The following PCSK2 variants were observed in gnomAD, a reference collection of about 807,000 sequenced individuals.
The protein encoded by PCSK2 is neuroendocrine convertase 2.
PCSK2 carries 14 observed loss-of-function variants against 69.7 expected under a neutral mutation model. The observed-to-expected ratio is 0.20, with a 90% CI of 0.13 to 0.31. The LOEUF (loss-of-function observed/expected upper bound fraction) is 0.31. PCSK2 is among the 10% of genes least tolerant of loss of function. The pLI, the probability that PCSK2 is intolerant of heterozygous loss-of-function variation, is 1.00. For synonymous variants in PCSK2, 307 were observed against 320.7 expected, an observed-to-expected ratio of 0.96 and a Z score of 0.46; for missense variants, 544 against 842.5, an observed-to-expected ratio of 0.65 and a Z score of 4.39.
rs148983041 is a variant in PCSK2 at position 17,481,937 on chromosome 20, A to T, written c.1784A>T (p.Gln595Leu). 1.3e-5 allele frequency: 21 copies of T among 1,613,562 alleles called. No individual in the cohort carries two copies. In the African/African-American group the frequency reaches 2.3e-4, roughly 17 times the overall value. Residue 595 changes from glutamine to leucine, a missense_variant, in exon 12 of 12, where the codon CAG becomes CTG. Coordinates refer to ENST00000262545, the MANE Select transcript of PCSK2 (RefSeq NM_002594.5). ...KEWTLMLHGT[Q>L]SAPYIDQVVR... ...TGGACCCTGATGCTGCATGGCACTC[A>T]GAGTGCCCCGTACATCGACCAGGTG...
chr20:17,351,071 G>C (rs114140808), intron 2 of PCSK2, among the ~76,000 whole-genome samples: 1 of 150,290 alleles, frequency 6.7e-6, no homozygotes, highest in African/African-American at 2.4e-5. Flanking sequence ...TGTAGTAAAA[G>C]TACCTTGTTA....
chr20:17,474,560 C>A (rs1361625713), intron 11 of PCSK2, among the ~76,000 whole-genome samples: 1 of 152,158 alleles, frequency 6.6e-6, no homozygotes, highest in Non-Finnish European at 1.5e-5. Flanking sequence ...GTTCTAGTTT[C>A]CCCTTCTCAG....
intron 2 of PCSK2, among the ~76,000 whole-genome samples, chr20:17,351,848 CA>C (rs1383663977): frequency 6.6e-6 from 1 of 152,052 alleles, no homozygotes; most frequent in Non-Finnish European, 1.5e-5. Flanking sequence ...GTCCCAGCCA[CA>C]GGAATCAGGC....
Position 17,481,816 on chromosome 20 carries a change from A to G in PCSK2, c.1663A>G (p.Met555Val). ...GGTGGGCTTTGACAAGTGGCCTTTC[A>G]TGACCACTCACACGTGGGGGGAAGA... ...SKVGFDKWPF[M>V]TTHTWGEDAR... The change falls in exon 12 of 12, where the codon ATG (methionine) becomes GTG (valine). Residue 555 changes from methionine to valine, a missense_variant. By Grantham distance (21) the Met-to-Val change is conservative. Coordinates refer to ENST00000262545, the MANE Select transcript of PCSK2 (RefSeq NM_002594.5). 1 of 1,614,144 alleles carries G rather than the reference A, an allele frequency of 6.2e-7. No individual in the cohort carries two copies. Among genetic ancestry groups the G allele is most frequent in the Non-Finnish European group, 8.5e-7 (1 of 1,180,026 alleles).
At position 17,260,824 on chromosome 20, in the gene PCSK2, A is replaced by T. The variant is rs950155460; in HGVS notation, c.282+480A>T. Reference sequence around the variant, plus strand: ...GCAGTGGACTTCTCAGTATCCATGCATGACTGTGGCCATGAGACTATCTCA... The same window carrying T: ...GCAGTGGACTTCTCAGTATCCATGCTTGACTGTGGCCATGAGACTATCTCA... On this transcript the variant is annotated intron_variant, in intron 2 of 11. Coordinates refer to ENST00000262545, the MANE Select transcript of PCSK2 (RefSeq NM_002594.5). 4.6e-5 allele frequency among the ~76,000 whole-genome samples: 7 copies of T among 152,198 alleles called. 1 individual carries two copies. The highest frequency in any genetic ancestry group is 1.0e-4 in the Non-Finnish European group (7 of 68,032).
chr20:17,354,491 C>T (rs12481288), intron 2 of PCSK2, among the ~76,000 whole-genome samples: 25,781 of 152,120 alleles, frequency 0.17, 2,756 homozygotes, highest in Non-Finnish European at 0.25. Flanking sequence ...AAATATTTCT[C>T]TGACATTAAG....
chr20:17,386,692 T>C (rs1349746222), intron 5 of PCSK2, among the ~76,000 whole-genome samples: 2 of 152,178 alleles, frequency 1.3e-5, no homozygotes, highest in Non-Finnish European at 2.9e-5. Flanking sequence ...TTTTGCAAGA[T>C]GAAAAAGTTA....
rs891737980 is a variant in PCSK2 at position 17,400,061 on chromosome 20, A to T, written c.544-9202A>T. 2.0e-5 allele frequency among the ~76,000 whole-genome samples: 3 copies of T among 152,254 alleles called. No individual in the cohort carries two copies. In the South Asian group the frequency reaches 6.2e-4, roughly 32 times the overall value. Reference sequence around the variant, plus strand: ...ATTTACTAAATAAAACCATGTTATTAAAAAAATGAATGGACCATACAAAAT... The same window carrying T: ...ATTTACTAAATAAAACCATGTTATTTAAAAAATGAATGGACCATACAAAAT... On this transcript the variant is annotated intron_variant, in intron 5 of 11. Coordinates refer to ENST00000262545, the MANE Select transcript of PCSK2 (RefSeq NM_002594.5).
chr20:17,269,417 C>A (rs1179776044), intron 2 of PCSK2, among the ~76,000 whole-genome samples: 1 of 152,176 alleles, frequency 6.6e-6, no homozygotes, highest in African/African-American at 2.4e-5. Flanking sequence ...AGAAGACCAA[C>A]TTTAGCCATT....
At chr20:17,382,354 C>G (rs979963631) in intron 5 of PCSK2, among the ~76,000 whole-genome samples, 1 of 152,254 alleles carries the variant, frequency 6.6e-6, no homozygotes, top group East Asian at 1.9e-4. Flanking sequence ...CTGTCATAGA[C>G]GGGAAACTGA....
chr20:17,232,398 G>A (rs901369013), intron 1 of PCSK2, among the ~76,000 whole-genome samples: 3 of 152,258 alleles, frequency 2.0e-5, no homozygotes, highest in East Asian at 1.9e-4. Flanking sequence ...GTGTCTCATC[G>A]TGACTTTAAT....
At chr20:17,265,675 G>A (rs1210331826) in intron 2 of PCSK2, among the ~76,000 whole-genome samples, 1 of 152,062 alleles carries the variant, frequency 6.6e-6, no homozygotes, top group Non-Finnish European at 1.5e-5. Context: ...TGGATTCTGA[G>A]TTCCCCAAAT....
Position 17,465,564 on chromosome 20 carries a change from G to A in PCSK2, c.1430+11G>A, listed in dbSNP as rs774090107. 2.2e-5 allele frequency: 33 copies of A among 1,529,996 alleles called. No homozygotes were observed. The highest frequency in any genetic ancestry group is 2.9e-5 in the Non-Finnish European group (32 of 1,121,550). 94.8% of individuals were successfully genotyped at this position (1,529,996 alleles called of 1,614,324 possible). The stretch of plus-strand genomic sequence containing the variant: ...CGTGCAGGACCCTGAGTAAGTGGGG[G>A]TAGTGGTCCCTCTGCTGCATGTGGA... On this transcript the variant is annotated intron_variant, in intron 11 of 11. Transcript: ENST00000262545.
intron 2 of PCSK2, among the ~76,000 whole-genome samples, chr20:17,336,087 C>T (rs1265929434): frequency 1.3e-5 from 2 of 152,136 alleles, no homozygotes; most frequent in Admixed American, 1.3e-4. Context: ...TATCAAAGAA[C>T]TTACAGATAT....
chr20:17,333,043 AATAGTATTGTATCAATGTTAATTT>A (rs1990244828), intron 2 of PCSK2, among the ~76,000 whole-genome samples: 46 of 152,282 alleles, frequency 3.0e-4, no homozygotes, highest in African/African-American at 1.0e-3. Flanking sequence ...TAGATTAGAT[AATAGTATTGTATCAATGTTAATTT>A]CCCAATGTTC....
At chr20:17,233,050 G>A (rs1986202767) in intron 1 of PCSK2, among the ~76,000 whole-genome samples, 1 of 152,178 alleles carries the variant, frequency 6.6e-6, no homozygotes, top group African/African-American at 2.4e-5. Flanking sequence ...CTTTGATGAT[G>A]TATAATCGAT....
At chr20:17,239,583 G>T (rs987427673) in intron 1 of PCSK2, among the ~76,000 whole-genome samples, 2 of 151,896 alleles carry the variant, frequency 1.3e-5, no homozygotes, top group African/African-American at 2.4e-5. Flanking sequence ...ATGAGGAGAG[G>T]ACCAAAGAAG....
chr20:17,438,502 G>A (rs2032531406), intron 8 of PCSK2, among the ~76,000 whole-genome samples: 1 of 152,208 alleles, frequency 6.6e-6, no homozygotes. Context: ...TGAGAACATA[G>A]TGGATGAGCT....
chr20:17,468,718 G>T (rs1419490002), intron 11 of PCSK2, among the ~76,000 whole-genome samples: 3 of 151,352 alleles, frequency 2.0e-5, no homozygotes. Flanking sequence ...ACCCTCCATG[G>T]GCCAGTGTCC....
Sources: allele counts gnomAD v4.1 joint callset (sites outside exome capture counted in the v4.1 genomes callset), GRCh38; gene constraint gnomAD v4.1.1; transcripts MANE v1.5; gene names NCBI Gene and HGNC (gene_info 2026-07-23, HGNC 2026-07-21).